DCC: variants seen among roughly 807,000 people sequenced by gnomAD.
DCC encodes netrin receptor DCC.
In DCC, 58 loss-of-function variants were observed where a neutral mutation model predicts 172.5. The ratio of observed to expected loss-of-function variants is 0.34; its 90% CI spans 0.27 to 0.42. The LOEUF (loss-of-function observed/expected upper bound fraction) is 0.42. DCC is among the 10% of genes least tolerant of loss of function. The probability of loss-of-function intolerance (pLI) is 1.00; values close to 1 mark genes in which losing one functional copy is unlikely to be tolerated. For missense variants in DCC, 1,740 were observed against 1,791.0 expected (o/e 0.97, Z 0.51); for synonymous variants, 709 against 644.5 (o/e 1.10, Z -1.52).
chr18:52,711,546 G>GT (rs1195972841), intron 1 of DCC, among the ~76,000 whole-genome samples: 19 of 152,192 alleles, frequency 1.2e-4, no homozygotes, highest in African/African-American at 4.1e-4. Flanking sequence ...AGTTTTTGAA[G>GT]TTTGTTCTTG....
chr18:53,472,877 G>C (rs866335064), intron 25 of DCC, among the ~76,000 whole-genome samples: 80 of 152,240 alleles, frequency 5.3e-4, no homozygotes, highest in African/African-American at 1.7e-3. Context: ...TTTTAAAAAC[G>C]TTTTTAGCAT....
chr18:52,634,093 T>C (rs946414043), intron 1 of DCC, among the ~76,000 whole-genome samples: 3 of 152,236 alleles, frequency 2.0e-5, no homozygotes, highest in Non-Finnish European at 4.4e-5. Context: ...GCATTAAACA[T>C]CTCATTAAGT....
intron 12 of DCC, among the ~76,000 whole-genome samples, chr18:53,292,768 C>T (rs886924442): frequency 6.6e-6 from 1 of 152,146 alleles, no homozygotes; most frequent in Non-Finnish European, 1.5e-5. Flanking sequence ...AGCAAAAGAA[C>T]ATTTCTCAGA....
At chr18:52,698,365 G>T (rs535548943) in intron 1 of DCC, among the ~76,000 whole-genome samples, 49 of 152,102 alleles carry the variant, frequency 3.2e-4, no homozygotes, top group Non-Finnish European at 6.0e-4. Context: ...ATTTATTTCT[G>T]CCTTGTTGAA....
At position 53,140,187 on chromosome 18, in the gene DCC, G is replaced by A. The variant is rs73457563; in HGVS notation, c.1262-17169G>A. Among the ~76,000 whole-genome samples, 267 of 152,164 alleles carry A rather than the reference G, an allele frequency of 1.8e-3. 2 individuals are homozygous for A. Among genetic ancestry groups the A allele is most frequent in the African/African-American group, 6.3e-3 (263 of 41,504 alleles). ...TTATTCTTTTCATATCCTTCAAAGA[G>A]TGTTTCTATAAATAAAACTATTTCA... On this transcript the variant is annotated intron_variant, in intron 7 of 28. Transcript: ENST00000442544.
chr18:53,494,686 C>T (rs568824535), intron 26 of DCC, among the ~76,000 whole-genome samples: 9 of 152,288 alleles, frequency 5.9e-5, no homozygotes, highest in African/African-American at 2.2e-4. Context: ...TCTATCCCTT[C>T]ATTTTGAGCC....
At chr18:53,036,958 AC>A (rs2042102589) in intron 5 of DCC, among the ~76,000 whole-genome samples, 1 of 151,994 alleles carries the variant, frequency 6.6e-6, no homozygotes, top group Non-Finnish European at 1.5e-5. Context: ...GGTAGCAGGG[AC>A]ATGAGTATTT....
intron 1 of DCC, among the ~76,000 whole-genome samples, chr18:52,423,560 A>C (rs910857172): frequency 6.6e-6 from 1 of 152,146 alleles, no homozygotes; most frequent in Non-Finnish European, 1.5e-5. Context: ...AGAAAAAAAA[A>C]AAAAGTTTCC....
intron 2 of DCC, among the ~76,000 whole-genome samples, chr18:52,815,190 A>G (rs1453646037): frequency 3.3e-5 from 5 of 152,176 alleles, no homozygotes; most frequent in African/African-American, 7.2e-5. Context: ...CATCTGTTTA[A>G]TGAGTAGAAA....
At chr18:53,312,597 G>A (rs555640616) in intron 13 of DCC, among the ~76,000 whole-genome samples, 22 of 151,410 alleles carry the variant, frequency 1.5e-4, no homozygotes, top group African/African-American at 4.6e-4. Context: ...TTGGGAGACC[G>A]AGGAGGGCAG....
chr18:52,618,997 G>A (rs1167663744), intron 1 of DCC, among the ~76,000 whole-genome samples: 4 of 152,086 alleles, frequency 2.6e-5, no homozygotes, highest in Admixed American at 6.5e-5. Flanking sequence ...GAGTGCAATG[G>A]CACAATCCCG....
At chr18:53,043,791 T>C (rs1265663697) in intron 5 of DCC, among the ~76,000 whole-genome samples, 1 of 151,894 alleles carries the variant, frequency 6.6e-6, no homozygotes, top group Non-Finnish European at 1.5e-5. Context: ...TTAGATACTT[T>C]TGCACTATGA....
chr18:52,489,105 A>T (rs900778605), intron 1 of DCC, among the ~76,000 whole-genome samples: 1 of 152,088 alleles, frequency 6.6e-6, no homozygotes, highest in Non-Finnish European at 1.5e-5. Context: ...TGTGAGCACG[A>T]ATCCTCTATT....
At chr18:52,676,433 G>T (rs993277788) in intron 1 of DCC, among the ~76,000 whole-genome samples, 10 of 152,124 alleles carry the variant, frequency 6.6e-5, no homozygotes, top group African/African-American at 2.4e-4. Context: ...ATCATAATCT[G>T]TTAAATTGTA....
At chr18:53,342,975 T>G (rs2057679157) in intron 15 of DCC, among the ~76,000 whole-genome samples, 1 of 144,382 alleles carries the variant, frequency 6.9e-6, no homozygotes, top group South Asian at 2.3e-4. Context: ...ATAGATGTAT[T>G]GTGGTATTTA....
intron 3 of DCC, among the ~76,000 whole-genome samples, chr18:52,919,885 T>A (rs2040094021): frequency 6.6e-6 from 1 of 151,750 alleles, no homozygotes; most frequent in Admixed American, 6.6e-5. Flanking sequence ...AAATAATAGA[T>A]CCATGGAACA....
chr18:53,232,786 T>G (rs1373485894), intron 12 of DCC, among the ~76,000 whole-genome samples: 1 of 152,128 alleles, frequency 6.6e-6, no homozygotes, highest in Non-Finnish European at 1.5e-5. Flanking sequence ...TCTTGTTTTC[T>G]TCTCCTCGAA....
rs1210258112 is a variant in DCC at position 52,752,377 on chromosome 18, A to G, written c.412+3A>G. ...GACAGCAAAAGTTGCAGTAGCAGGT[A>G]GGTGGATTCTTCCTTCTCTTCCTCC... On this transcript the variant is annotated splice_donor_region_variant and intron_variant, in intron 2 of 28. Transcript: ENST00000442544. 6.2e-7 allele frequency: 1 copy of G among 1,611,088 alleles called. No individual in the cohort carries two copies. Among genetic ancestry groups the G allele is most frequent in the Non-Finnish European group, 8.5e-7 (1 of 1,177,198 alleles).
intron 25 of DCC, among the ~76,000 whole-genome samples, chr18:53,481,469 T>G (rs2045831068): frequency 6.6e-6 from 1 of 152,166 alleles, no homozygotes; most frequent in Admixed American, 6.5e-5. Context: ...TGGCACTTGC[T>G]TATCAAAGAA....
Sources: allele counts gnomAD v4.1 joint callset (sites outside exome capture counted in the v4.1 genomes callset), GRCh38; gene constraint gnomAD v4.1.1; transcripts MANE v1.5; gene names NCBI Gene and HGNC (gene_info 2026-07-23, HGNC 2026-07-21).